The following ROBO2 variants were observed in gnomAD, a reference collection of about 807,000 sequenced individuals.
ROBO2 encodes roundabout guidance receptor 2, also known as roundabout homolog 2.
Under a neutral mutation model 160.8 loss-of-function variants are expected in ROBO2, and 53 were observed. That is an observed-to-expected ratio of 0.33 (90% CI 0.26 to 0.41). The LOEUF is 0.41. Among genes scored for constraint, ROBO2 ranks in the 10% least tolerant of loss-of-function variants. The probability of loss-of-function intolerance (pLI) is 1.00; values close to 1 mark genes in which losing one functional copy is unlikely to be tolerated. For synonymous variants in ROBO2, 664 were observed against 611.7 expected (o/e 1.09, Z -1.26); for missense variants, 1,577 against 1,722.4 (o/e 0.92, Z 1.49).
intron 2 of ROBO2, among the ~76,000 whole-genome samples, chr3:77,420,863 T>G (rs2077649201): frequency 1.3e-5 from 2 of 152,146 alleles, no homozygotes; most frequent in African/African-American, 4.8e-5. Flanking sequence ...CTCTATAAAA[T>G]GAGTAGATTT....
intron 1 of ROBO2, among the ~76,000 whole-genome samples, chr3:77,060,088 A>C (rs749037319): frequency 2.8e-4 from 42 of 151,076 alleles, no homozygotes; most frequent in Non-Finnish European, 4.4e-4. Flanking sequence ...CTATAAATTC[A>C]GTCTCTGAGT....
At chr3:76,455,310 C>A (rs78558799) in intron 2 of ROBO2, among the ~76,000 whole-genome samples, 1 of 152,062 alleles carries the variant, frequency 6.6e-6, no homozygotes, top group African/African-American at 2.4e-5. Flanking sequence ...TTTGACAGCA[C>A]AAAAGTTAAA....
At chr3:76,317,318 G>T (rs555344360) in intron 2 of ROBO2, among the ~76,000 whole-genome samples, 1 of 152,094 alleles carries the variant, frequency 6.6e-6, no homozygotes, top group African/African-American at 2.4e-5. Context: ...CCTTTGTAAC[G>T]CTGGGAAATC....
At chr3:76,857,154 T>G (rs960765865) in intron 2 of ROBO2, among the ~76,000 whole-genome samples, 6 of 152,016 alleles carry the variant, frequency 3.9e-5, no homozygotes, top group African/African-American at 9.6e-5. Context: ...CCCGGATAAT[T>G]TTTTGTATTT....
intron 2 of ROBO2, among the ~76,000 whole-genome samples, chr3:76,313,717 T>C (rs1336275138): frequency 6.6e-6 from 1 of 152,172 alleles, no homozygotes; most frequent in Non-Finnish European, 1.5e-5. Flanking sequence ...AAGATACCAA[T>C]AGCAAACAAC....
chr3:77,452,760 CCAAAA>C (rs1262659585), intron 2 of ROBO2, among the ~76,000 whole-genome samples: 1 of 149,856 alleles, frequency 6.7e-6, no homozygotes, highest in Non-Finnish European at 1.5e-5. Context: ...TGTCCTAAAA[CCAAAA>C]CATGTTTTTT....
chr3:77,028,563 A>G (rs945893522), intron 2 of ROBO2, among the ~76,000 whole-genome samples: 8 of 152,034 alleles, frequency 5.3e-5, no homozygotes, highest in African/African-American at 1.9e-4. Context: ...TAAAAAAAAT[A>G]CAAAAAACTA....
chr3:76,015,311 A>C (rs2066376177), intron 2 of ROBO2, among the ~76,000 whole-genome samples: 1 of 152,212 alleles, frequency 6.6e-6, no homozygotes, highest in African/African-American at 2.4e-5. Context: ...GCATATGTTA[A>C]CTTGTCATGT....
intron 2 of ROBO2, among the ~76,000 whole-genome samples, chr3:76,193,069 G>A (rs549540865): frequency 6.6e-6 from 1 of 151,912 alleles, no homozygotes; most frequent in African/African-American, 2.4e-5. Flanking sequence ...CTCTTTGAGT[G>A]GTTTCTATAG....
rs184168477 is a variant in ROBO2, at chr3:76,130,029, T to G, written c.109+192427T>G. Among the ~76,000 whole-genome samples, 3 of 152,206 alleles carry G rather than the reference T, an allele frequency of 2.0e-5. No individual in the cohort carries two copies. In the East Asian group the frequency reaches 5.8e-4, roughly 29 times the overall value. ...ACTGCTCGTCATTGGGGAATATATT[T>G]AAGACAGTGAATTATCATCTTCACC... is the stretch of plus-strand genomic sequence containing the variant. On this transcript the variant is annotated intron_variant, in intron 2 of 26. Transcript: ENST00000487694.
chr3:77,078,921 G>T (rs1440652208), intron 1 of ROBO2, among the ~76,000 whole-genome samples: 2 of 152,050 alleles, frequency 1.3e-5, no homozygotes, highest in Non-Finnish European at 2.9e-5. Flanking sequence ...GTAGAAATAG[G>T]TTCTATATTT....
In ROBO2 at chr3:76,726,523, C is replaced by G. The variant is rs866515692; in HGVS notation, c.110-371491C>G. On this transcript the variant is annotated intron_variant, in intron 2 of 26. Transcript: ENST00000487694. ...GTCTTCACTTTTCTGAGTTTACAACCTTATAATTTACTGATACTTTTTTTC... is the reference window on the plus strand; with the variant it reads ...GTCTTCACTTTTCTGAGTTTACAACGTTATAATTTACTGATACTTTTTTTC... Among the ~76,000 whole-genome samples the G allele has an allele frequency of 3.3e-5, 5 of 152,108 alleles. 1 individual carries two copies. The South Asian group carries it at 1.0e-3, about 31-fold the overall frequency.
chr3:75,924,855 A>AT (rs1232528604), intron 1 of ROBO2, among the ~76,000 whole-genome samples: 4 of 150,450 alleles, frequency 2.7e-5, no homozygotes, highest in African/African-American at 4.9e-5. Flanking sequence ...CGCCAGGCTT[A>AT]TTTTTTGTAT....
chr3:77,446,252 TAC>T (rs772798292), intron 2 of ROBO2, among the ~76,000 whole-genome samples: 3 of 151,666 alleles, frequency 2.0e-5, no homozygotes, highest in Admixed American at 6.6e-5. Context: ...ATCAAAGCTA[TAC>T]ACACACACAC....
At chr3:77,298,829 C>T (rs1217271596) in intron 2 of ROBO2, among the ~76,000 whole-genome samples, 1 of 152,092 alleles carries the variant, frequency 6.6e-6, no homozygotes, top group African/African-American at 2.4e-5. Flanking sequence ...AAGCAATAGA[C>T]CCTGCCCTGA....
chr3:77,187,775 G>A (rs561308342), intron 2 of ROBO2, among the ~76,000 whole-genome samples: 1 of 151,952 alleles, frequency 6.6e-6, no homozygotes, highest in African/African-American at 2.4e-5. Context: ...ATAAAAAAGT[G>A]TATTATGTTT....
chr3:77,534,952 T>G (rs1048328652), intron 6 of ROBO2, among the ~76,000 whole-genome samples: 1 of 152,188 alleles, frequency 6.6e-6, no homozygotes, highest in Non-Finnish European at 1.5e-5. Context: ...AAAATGTTTA[T>G]GCAAGCAGCT....
At chr3:76,859,942 C>T (rs764484552) in intron 2 of ROBO2, among the ~76,000 whole-genome samples, 7 of 152,160 alleles carry the variant, frequency 4.6e-5, no homozygotes, top group African/African-American at 7.2e-5. Flanking sequence ...GATATTTAGA[C>T]GTGAGTGTTG....
intron 2 of ROBO2, among the ~76,000 whole-genome samples, chr3:76,370,180 G>A (rs962753155): frequency 6.6e-6 from 1 of 151,308 alleles, no homozygotes; most frequent in Admixed American, 6.6e-5. Context: ...TTTTTTTTTG[G>A]TTCCAGACCA....
Sources: allele counts gnomAD v4.1 joint callset (sites outside exome capture counted in the v4.1 genomes callset), GRCh38; gene constraint gnomAD v4.1.1; transcripts MANE v1.5; gene names NCBI Gene and HGNC (gene_info 2026-07-23, HGNC 2026-07-21).